The following SLC39A4 variants were observed in gnomAD, a reference collection of about 807,000 sequenced individuals.
SLC39A4 encodes the protein solute carrier family 39 member 4.
In SLC39A4, 49 loss-of-function variants were observed where a neutral mutation model predicts 56.6. The observed-to-expected ratio is 0.87, with a 90% CI of 0.69 to 1.10. The LOEUF (loss-of-function observed/expected upper bound fraction) is 1.10, where lower values mean the gene tolerates loss of function less well. SLC39A4 is among the 50% of genes least tolerant of loss of function. The probability of loss-of-function intolerance (pLI) is 0.00; values close to 1 mark genes in which losing one functional copy is unlikely to be tolerated. For synonymous variants in SLC39A4, 540 were observed against 420.4 expected (o/e 1.28, Z -3.48); for missense variants, 993 against 864.2 (o/e 1.15, Z -1.87).
intron 10 of SLC39A4, 64 bp downstream of exon 10, chr8:144,413,173 C>G: frequency 6.7e-7 from 1 of 1,500,934 alleles, no homozygotes; most frequent in Non-Finnish European, 8.9e-7. Context: ...CCACCTGTTC[C>G]AGGTCTCCCC....
chr8:144,413,675 G>T, intron 8 of SLC39A4, 75 bp downstream of exon 8: 1 of 1,539,886 alleles, frequency 6.5e-7, no homozygotes, highest in South Asian at 1.2e-5. Context: ...CCTGGGGTGG[G>T]GCTGGGAGTG....
intron 1 of SLC39A4, 41 bp from the exon 2 acceptor site, chr8:144,416,132 A>G (rs1554873943): frequency 1.3e-6 from 2 of 1,598,834 alleles, no homozygotes; most frequent in African/African-American, 1.3e-5. Context: ...TGGGCCCACC[A>G]GGGAGGGGAG....
At chr8:144,412,687 G>GT in intron 11 of SLC39A4, 21 bp from the exon 12 acceptor site, 1 of 1,613,572 alleles carries the variant, frequency 6.2e-7, no homozygotes, top group Middle Eastern at 1.6e-4. Context: ...AGTGGGCACC[G>GT]GGTCAGCGCC....
Position 144,415,286 on chromosome 8 carries a change from T to C in SLC39A4, c.608A>G (p.Gln203Arg), listed in dbSNP as rs1554873543. 1 of 1,613,238 alleles carries C rather than the reference T, an allele frequency of 6.2e-7. No individual in the cohort carries two copies. The highest frequency in any genetic ancestry group is 2.2e-5 in the East Asian group (1 of 44,878). ...GSCFHALPSP[Q>R]YFVDFVFQQH... The stretch of plus-strand genomic sequence containing the variant: ...CTGGAACACAAAGTCCACGAAGTAC[T>C]GAGGGCTCGGCAAGGCGTGGAAGCA... Residue 203 changes from glutamine (Q) to arginine (R), a missense_variant, in exon 3 of 12, where the codon CAG (glutamine) becomes CGG (arginine). Physicochemically the swap from Gln to Arg is conservative, Grantham distance 43 (BLOSUM62 1). Coordinates refer to ENST00000301305, the MANE Select transcript of SLC39A4 (RefSeq NM_130849.4).
intron 4 of SLC39A4, 36 bp from the exon 5 acceptor site, chr8:144,414,932 A>C: frequency 1.2e-6 from 2 of 1,613,032 alleles, no homozygotes; most frequent in South Asian, 1.1e-5. Context: ...GGGCCCAAGC[A>C]GACCCCGGTG....
At chr8:144,416,397 G>A in intron 1 of SLC39A4, 2 of 1,447,406 alleles carry the variant, frequency 1.4e-6, no homozygotes, top group Non-Finnish European at 1.8e-6. Context: ...GGAGAAGAGG[G>A]ACTGTGTCCC....
At position 144,412,891 on chromosome 8, in the gene SLC39A4, C is replaced by A. The variant is rs888582744; in HGVS notation, c.1683G>T (p.Leu561=). Residue 561 remains leucine, a synonymous_variant, in exon 11 of 12, where the codon CTG becomes CTT. Coordinates refer to ENST00000301305, the MANE Select transcript of SLC39A4 (RefSeq NM_130849.4). ...AGLSVRQALL[L]NLASALTAFA... ...AGGCCGTGAGCGCGGAGGCCAGGTT[C>A]AGCAGCAGTGCTTGGCGCACGGACA... The A allele has an allele frequency of 1.9e-6, 3 of 1,610,530 alleles. No homozygotes were observed. The highest frequency in any genetic ancestry group is 3.3e-5 in the Admixed American group (2 of 59,976).
At chr8:144,414,573 C>T in intron 5 of SLC39A4, 139 bp from the exon 6 acceptor site, 1 of 1,493,974 alleles carries the variant, frequency 6.7e-7, no homozygotes, top group Non-Finnish European at 9.0e-7. Flanking sequence ...CAAAGCCCCA[C>T]TCTCCTGGCG....
chr8:144,414,999 C>T lies in SLC39A4; in HGVS notation c.779G>A (p.Ser260Asn). Residue 260 changes from serine (S) to asparagine (N), a missense_variant, in exon 4 of 12, where the codon AGC (serine) becomes AAC (asparagine). Transcript: ENST00000301305. ...SRDPVPLISS[S>N]NSSSVWDTVC... The stretch of plus-strand genomic sequence containing the variant: ...CGTGTCCCACACACTGGAGCTGTTG[C>T]TGGAGCTGATGAGGGGCACAGGGTC... 1 of 1,612,388 alleles carries T rather than the reference C, an allele frequency of 6.2e-7. No individual in the cohort carries two copies. The highest frequency in any genetic ancestry group is 8.5e-7 in the Non-Finnish European group (1 of 1,179,964).
In SLC39A4 at chr8:144,414,832, G is replaced by A. The variant is rs142764754; in HGVS notation, c.869C>T (p.Pro290Leu). The change falls in exon 5 of 12, where the codon CCG (proline) becomes CTG (leucine). Residue 290 changes from proline to leucine, a missense_variant. Pro to Leu is a moderately conservative substitution (Grantham distance 98). Coordinates refer to ENST00000301305, the MANE Select transcript of SLC39A4 (RefSeq NM_130849.4). Reference protein sequence around the residue: ...YGLSEQAGVTPEAWAQLSPAL... With the variant: ...YGLSEQAGVTLEAWAQLSPAL... ...AGGGCTCAGTTGGGCCCAGGCCTCC[G>A]GGGTCACCCCAGCCTGTTCCGACAG... The A allele has an allele frequency of 1.2e-4, 194 of 1,613,118 alleles. 1 individual carries two copies. Among genetic ancestry groups the A allele is most frequent in the East Asian group, 5.1e-4 (23 of 44,868 alleles).
chr8:144,413,025 C>T, intron 10 of SLC39A4, 79 bp from the exon 11 acceptor site: 1 of 1,507,206 alleles, frequency 6.6e-7, no homozygotes, highest in Non-Finnish European at 8.9e-7. Context: ...CGCCCTCTTA[C>T]CACCAGGCCC....
intron 10 of SLC39A4, 48 bp from the exon 11 acceptor site, chr8:144,412,994 C>T (rs1347701344): frequency 6.5e-7 from 1 of 1,540,844 alleles, no homozygotes; most frequent in African/African-American, 1.4e-5. Flanking sequence ...GCTACATGCC[C>T]CGCCCACCTC....
At chr8:144,415,590 A>G (rs1822144047) in intron 2 of SLC39A4, among the ~76,000 whole-genome samples, 171 bp from the exon 3 acceptor site, 1 of 151,432 alleles carries the variant, frequency 6.6e-6, no homozygotes, top group Non-Finnish European at 1.5e-5. Context: ...GCTCCCACTC[A>G]GGCCTCTGGG....
At position 144,415,425 on chromosome 8, in the gene SLC39A4, G is replaced by A; in HGVS notation, c.475-6C>T. 2 of 1,594,804 alleles carry A rather than the reference G, an allele frequency of 1.3e-6. No individual in the cohort carries two copies. Among genetic ancestry groups the A allele is most frequent in the Non-Finnish European group, 1.7e-6 (2 of 1,171,342 alleles). ...TGAGGGATATCTACGCAGGCCTGGGGAAGAGGGGGCCTCCGCCTCAGCCTT... is the reference window on the plus strand; with the variant it reads ...TGAGGGATATCTACGCAGGCCTGGGAAAGAGGGGGCCTCCGCCTCAGCCTT... On this transcript the variant is annotated splice_polypyrimidine_tract_variant and splice_region_variant and intron_variant, in intron 2 of 11. Coordinates refer to ENST00000301305, the MANE Select transcript of SLC39A4 (RefSeq NM_130849.4).
At chr8:144,413,107 T>G in intron 10 of SLC39A4, 130 bp downstream of exon 10, 2 of 981,618 alleles carry the variant, frequency 2.0e-6, no homozygotes, top group South Asian at 1.7e-5. Context: ...CCGCCCCACC[T>G]GTTTCCGGTC....
At position 144,415,114 on chromosome 8, in the gene SLC39A4, G is replaced by A; in HGVS notation, c.668-4C>T. On this transcript the variant is annotated splice_region_variant and splice_polypyrimidine_tract_variant and intron_variant, in intron 3 of 11. Transcript: ENST00000301305. ...CGCTGCATCAAGGCTGACAGCTCTG[G>A]CAGGGAGAAGAGTTGGCACCGCGAG... The A allele has an allele frequency of 6.2e-7, 1 of 1,612,386 alleles. No individual in the cohort carries two copies. The highest frequency in any genetic ancestry group is 8.5e-7 in the Non-Finnish European group (1 of 1,179,926).
In SLC39A4 at chr8:144,415,070, C is replaced by T; in HGVS notation, c.708G>A (p.Glu236=). 1 of 1,611,452 alleles carries T rather than the reference C, an allele frequency of 6.2e-7. No individual in the cohort carries two copies. Among genetic ancestry groups the T allele is most frequent in the Non-Finnish European group, 8.5e-7 (1 of 1,179,926 alleles). ...ALMQRLGVGR[E]AHSDHSHRHR... is the part of the protein sequence containing the mutation. ...GCCGATGACTGTGGTCACTGTGGGC[C>T]TCCCTGCCCACCCCCAGGCGCTGCA... is the stretch of plus-strand genomic sequence containing the variant. Residue 236 remains glutamate, a synonymous_variant, in exon 4 of 12, where the codon GAG becomes GAA. Coordinates refer to ENST00000301305, the MANE Select transcript of SLC39A4 (RefSeq NM_130849.4).
Position 144,413,246 on chromosome 8 carries a change from G to A in SLC39A4, c.1618C>T (p.His540Tyr). The A allele has an allele frequency of 6.3e-7, 1 of 1,584,588 alleles. No homozygotes were observed. The highest frequency in any genetic ancestry group is 8.5e-7 in the Non-Finnish European group (1 of 1,170,210). Residue 540 changes from histidine to tyrosine, a missense_variant, in exon 10 of 12, where the codon CAC (histidine) becomes TAC (tyrosine). Physicochemically the swap from His to Tyr is moderately conservative, Grantham distance 83. Coordinates refer to ENST00000301305, the MANE Select transcript of SLC39A4 (RefSeq NM_130849.4). ...CCCCGCCTGCGCTCACCCAGCTCGT[G>A]TGGCAACTCGTGGCAGAACACGGCC... Reference protein sequence around the residue: ...SLAVFCHELPHELGDFAALLH... With the variant: ...SLAVFCHELPYELGDFAALLH...
In SLC39A4 at chr8:144,413,809, G is replaced by A. The variant is rs376911538; in HGVS notation, c.1360C>T (p.Leu454=). The change falls in exon 8 of 12, where the codon CTG becomes TTG. Residue 454 remains leucine (L), a synonymous_variant. Transcript: ENST00000301305. ...GGCTGCCGGAGCTCGCTGGGTGCCA[G>A]CTGCAGGGACACACCGTGGCTGTGG... The part of the protein sequence containing the change: ...GGHSHGVSLQ[L]APSELRQPKP... The A allele has an allele frequency of 1.3e-5, 20 of 1,573,540 alleles. No individual in the cohort carries two copies. The highest frequency in any genetic ancestry group is 1.6e-5 in the Non-Finnish European group (19 of 1,164,782).
Sources: allele counts gnomAD v4.1 joint callset (sites outside exome capture counted in the v4.1 genomes callset), GRCh38; gene constraint gnomAD v4.1.1; transcripts MANE v1.5; gene names NCBI Gene and HGNC (gene_info 2026-07-23, HGNC 2026-07-21).